METAP1D: variants seen among roughly 807,000 people sequenced by gnomAD.
METAP1D encodes methionine aminopeptidase 1D, mitochondrial.
In METAP1D, 31 loss-of-function variants were observed where a neutral mutation model predicts 40.5. The ratio of observed to expected loss-of-function variants is 0.77; its 90% CI spans 0.58 to 1.03. The LOEUF (loss-of-function observed/expected upper bound fraction) is 1.03. Among genes scored for constraint, METAP1D ranks in the 50% least tolerant of loss-of-function variants. METAP1D has a pLI of 0.00. For synonymous variants in METAP1D, 151 were observed against 146.4 expected, an observed-to-expected ratio of 1.03 and a Z score of -0.22; for missense variants, 411 against 420.7, an observed-to-expected ratio of 0.98 and a Z score of 0.20.
chr2:172,078,521 A>G (rs989297857), intron 7 of METAP1D, among the ~76,000 whole-genome samples: 5 of 152,174 alleles, frequency 3.3e-5, no homozygotes, highest in African/African-American at 1.2e-4. Flanking sequence ...GCAGGTCCAC[A>G]CCTGGACGGG....
intron 1 of METAP1D, among the ~76,000 whole-genome samples, chr2:172,002,385 TA>T (rs1282552626): frequency 6.6e-6 from 1 of 152,228 alleles, no homozygotes; most frequent in African/African-American, 2.4e-5. Context: ...ACTGTATATA[TA>T]ACATCTCTTT....
chr2:172,017,121 C>G (rs1210040745), intron 1 of METAP1D, among the ~76,000 whole-genome samples: 1 of 151,674 alleles, frequency 6.6e-6, no homozygotes, highest in Non-Finnish European at 1.5e-5. Context: ...GGTCTGTTTC[C>G]TTTCTTTTCT....
At position 172,007,977 on chromosome 2, in the gene METAP1D, C is replaced by T. The variant is rs552848913; in HGVS notation, c.40+7968C>T. On this transcript the variant is annotated intron_variant, in intron 1 of 9. Transcript: ENST00000315796. ...CTGGGATTACAGGCATGAGCCACCG[C>T]GCCTAGCCGGATATTATTATTTTTT... Among the ~76,000 whole-genome samples the T allele has an allele frequency of 2.7e-4, 41 of 151,988 alleles. 1 individual carries two copies. Among genetic ancestry groups the T allele is most frequent in the Middle Eastern group, 6.8e-3 (2 of 292 alleles).
intron 1 of METAP1D, among the ~76,000 whole-genome samples, chr2:172,035,097 C>T: frequency 6.7e-6 from 1 of 150,076 alleles, no homozygotes; most frequent in Non-Finnish European, 1.5e-5. Context: ...AAGAAATATA[C>T]AATTTAATGA....
In METAP1D at chr2:172,042,843, G is replaced by GTGTGTGTGTATATGTACACATACGTA. The variant is rs1553493974; in HGVS notation, c.41-18648_41-18647insGTATATGTACACATACGTATGTGTGT. 1.7e-4 allele frequency among the ~76,000 whole-genome samples: 2 copies of GTGTGTGTGTATATGTACACATACGTA among 11,984 alleles called. 1 individual carries two copies. Among genetic ancestry groups the GTGTGTGTGTATATGTACACATACGTA allele is most frequent in the Non-Finnish European group, 5.3e-4 (2 of 3,756 alleles). The allele number at this position is 11,984 out of a possible 152,430, so 7.9% of individuals were successfully genotyped here. On this transcript the variant is annotated intron_variant, in intron 1 of 9. Coordinates refer to ENST00000315796, the MANE Select transcript of METAP1D (RefSeq NM_199227.3). ...TGTGTGTATATGTACACATATACGT[G>GTGTGTGTGTATATGTACACATACGTA]TGTGTGTATATATGTACATATATGT... is the stretch of plus-strand genomic sequence containing the variant.
rs1361588687 is a variant in METAP1D at position 172,043,044 on chromosome 2, T to C, written c.41-18454T>C. Reference sequence around the variant, plus strand: ...ACATATATGTGTATATGTGTACACGTGTACACATATATGTGTATATATATA... The same window carrying C: ...ACATATATGTGTATATGTGTACACGCGTACACATATATGTGTATATATATA... On this transcript the variant is annotated intron_variant, in intron 1 of 9. Coordinates refer to ENST00000315796, the MANE Select transcript of METAP1D (RefSeq NM_199227.3). Among the ~76,000 whole-genome samples, 4 of 110,400 alleles carry C rather than the reference T, an allele frequency of 3.6e-5. 1 individual carries two copies. Among genetic ancestry groups the C allele is most frequent in the African/African-American group, 1.2e-4 (4 of 33,894 alleles). 72.4% of individuals were successfully genotyped at this position (110,400 alleles called of 152,430 possible).
intron 3 of METAP1D, among the ~76,000 whole-genome samples, chr2:172,065,172 C>T (rs1348635393): frequency 1.3e-5 from 2 of 152,100 alleles, no homozygotes; most frequent in African/African-American, 2.4e-5. Flanking sequence ...TAAAAAGATG[C>T]GAGTTGACCT....
At chr2:172,032,029 C>T (rs1689253073) in intron 1 of METAP1D, among the ~76,000 whole-genome samples, 1 of 152,134 alleles carries the variant, frequency 6.6e-6, no homozygotes, top group Non-Finnish European at 1.5e-5. Context: ...CTAAATGCTG[C>T]CAGATGTAGG....
At chr2:172,045,538 C>G (rs1689718722) in intron 1 of METAP1D, among the ~76,000 whole-genome samples, 2 of 148,264 alleles carry the variant, frequency 1.3e-5, no homozygotes, top group Admixed American at 1.4e-4. Flanking sequence ...GCGCACGCCT[C>G]TAATCCCAGC....
At chr2:172,025,657 G>A (rs978807978) in intron 1 of METAP1D, among the ~76,000 whole-genome samples, 1 of 152,124 alleles carries the variant, frequency 6.6e-6, no homozygotes, top group Non-Finnish European at 1.5e-5. Flanking sequence ...ATGCATTAGA[G>A]AGAATAATGG....
chr2:172,076,219 A>C (rs1451684967), intron 6 of METAP1D, among the ~76,000 whole-genome samples: 4 of 151,308 alleles, frequency 2.6e-5, no homozygotes, highest in Admixed American at 2.6e-4. Context: ...TTTTTTTAGA[A>C]GAGAAAATAG....
At chr2:172,039,550 A>G (rs889147517) in intron 1 of METAP1D, among the ~76,000 whole-genome samples, 5 of 152,128 alleles carry the variant, frequency 3.3e-5, no homozygotes, top group Admixed American at 1.3e-4. Flanking sequence ...AATTAAAATA[A>G]CCCTTTCATT....
At chr2:172,061,403 G>C in intron 1 of METAP1D, 95 bp from the exon 2 acceptor site, 2 of 1,110,016 alleles carry the variant, frequency 1.8e-6, no homozygotes, top group South Asian at 3.5e-5. Context: ...TAAGGTATTA[G>C]AATAATGATT....
intron 1 of METAP1D, among the ~76,000 whole-genome samples, chr2:172,016,319 A>ATATG (rs1688862661): frequency 8.9e-6 from 1 of 112,244 alleles, no homozygotes; most frequent in Non-Finnish European, 1.9e-5. Context: ...ATATATATAT[A>ATATG]TATATATATA....
In METAP1D at chr2:172,080,668, G is replaced by C. The variant is rs1690684051; in HGVS notation, c.*262G>C. ...CAGCGCGGTCAACGCATCTGGAGGG[G>C]ACTGGAGGAAACCCCCTTGTTGGAA... On this transcript the variant is annotated 3_prime_UTR_variant, in exon 10 of 10. Transcript: ENST00000315796. 1.7e-6 allele frequency: 1 copy of C among 585,658 alleles called. No individual in the cohort carries two copies. Among genetic ancestry groups the C allele is most frequent in the South Asian group, 2.0e-5 (1 of 48,968 alleles). The allele number at this position is 585,658 out of a possible 1,614,324, so 36.3% of individuals were successfully genotyped here. A position where few individuals can be genotyped will look rare whatever the true frequency, so the allele number is the denominator to read the frequency against.
At chr2:172,064,014 GC>G (rs1690195251) in intron 3 of METAP1D, 154 bp downstream of exon 3, 5 of 918,596 alleles carry the variant, frequency 5.4e-6, no homozygotes, top group Middle Eastern at 3.6e-4. Flanking sequence ...ATTAAGTAAA[GC>G]CTTGGGATGG....
chr2:172,069,938 C>A (rs1690383651), intron 5 of METAP1D, among the ~76,000 whole-genome samples: 1 of 152,130 alleles, frequency 6.6e-6, no homozygotes, highest in Non-Finnish European at 1.5e-5. Context: ...AATTCAGTAT[C>A]ACAACAGACT....
Position 172,061,558 on chromosome 2 carries a change from G to A in METAP1D, c.101G>A (p.Ser34Asn), listed in dbSNP as rs2105475275. The A allele has an allele frequency of 1.2e-6, 2 of 1,613,750 alleles. No individual in the cohort carries two copies. The highest frequency in any genetic ancestry group is 1.7e-4 in the Middle Eastern group (1 of 6,016). ...NHIYLHKQSS[S>N]QQRRNFFFRR... ...ATCTACTTACACAAGCAGTCAAGCA[G>A]TCAACAAAGAAGAAATTTCTTTTTT... The change falls in exon 2 of 10, where the codon AGT becomes AAT. Residue 34 changes from serine (S) to asparagine (N), a missense_variant. By Grantham distance (46) the Ser-to-Asn change is conservative. Transcript: ENST00000315796.
chr2:172,050,656 A>G (rs1407397516), intron 1 of METAP1D, among the ~76,000 whole-genome samples: 2 of 152,166 alleles, frequency 1.3e-5, no homozygotes, highest in South Asian at 2.1e-4. Flanking sequence ...GTGCTAACCT[A>G]GAAGTGTGCA....
Sources: gnomAD v4.1 joint callset for allele counts (sites outside exome capture counted in the v4.1 genomes callset) on GRCh38, gnomAD v4.1.1 for gene constraint, MANE v1.5 for transcripts, NCBI Gene and HGNC (gene_info 2026-07-23, HGNC 2026-07-21) for gene names.